Variants in TUSC3 observed in about 807,000 individuals in gnomAD.
TUSC3 encodes dolichyl-diphosphooligosaccharide--protein glycosyltransferase subunit TUSC3.
TUSC3 carries 45 observed loss-of-function variants against 44.8 expected under a neutral mutation model. The observed-to-expected ratio is 1.00, with a 90% CI of 0.79 to 1.29. The LOEUF (loss-of-function observed/expected upper bound fraction) is 1.29, where lower values mean the gene tolerates loss of function less well. Among genes scored for constraint, TUSC3 ranks in the 50% most tolerant of loss-of-function variants. TUSC3 has a pLI of 0.00. For synonymous variants in TUSC3, 212 were observed against 152.9 expected (o/e 1.39, Z -2.85); for missense variants, 519 against 437.9 (o/e 1.19, Z -1.65).
intron 2 of TUSC3, among the ~76,000 whole-genome samples, chr8:15,533,826 A>T (rs1801482872): frequency 6.6e-6 from 1 of 152,054 alleles, no homozygotes; most frequent in South Asian, 2.1e-4. Context: ...ATGGGAGGTT[A>T]TCTTGGGGCT....
intron 6 of TUSC3, among the ~76,000 whole-genome samples, chr8:15,717,936 T>G (rs562286912): frequency 1.3e-5 from 2 of 152,226 alleles, no homozygotes; most frequent in East Asian, 3.9e-4. Flanking sequence ...CCTTGCATGA[T>G]TAGACATTTT....
At chr8:15,817,993 T>A in the TUSC3 span, among the ~76,000 whole-genome samples, 1 of 152,100 alleles carries the variant, frequency 6.6e-6, no homozygotes, top group Non-Finnish European at 1.5e-5. Flanking sequence ...AGGAGGAAGC[T>A]GGAGAGACTG....
chr8:15,555,276 ATTTTTTTTTTTTTTTTTTTTTT>A (rs35757466), intron 1 of TUSC3, among the ~76,000 whole-genome samples: 2 of 44,890 alleles, frequency 4.5e-5, no homozygotes, highest in African/African-American at 1.1e-4. Flanking sequence ...TGCCAGGCTA[ATTTTTTTTTTTTTTTTTTTTTT>A]TTTTTTTTTT....
chr8:15,787,602 T>G, the TUSC3 span, among the ~76,000 whole-genome samples: 1 of 152,216 alleles, frequency 6.6e-6, no homozygotes, highest in Non-Finnish European at 1.5e-5. Context: ...CGATCACTTC[T>G]TATTTCTATG....
the TUSC3 span, among the ~76,000 whole-genome samples, chr8:15,780,148 T>A: frequency 6.6e-6 from 1 of 152,148 alleles, no homozygotes; most frequent in South Asian, 2.1e-4. Flanking sequence ...AATAAACATA[T>A]GTTCATGAGT....
chr8:15,660,155 A>G (rs1807355404), intron 4 of TUSC3, among the ~76,000 whole-genome samples: 1 of 152,068 alleles, frequency 6.6e-6, no homozygotes, highest in Admixed American at 6.6e-5. Context: ...TAAGGATGCA[A>G]TCAAGGATGA....
intron 2 of TUSC3, among the ~76,000 whole-genome samples, chr8:15,483,648 G>GTTTTTTTTTTTTTTTTTTTT (rs1398002093): frequency 2.3e-5 from 1 of 43,450 alleles, no homozygotes; most frequent in Non-Finnish European, 4.7e-5. Context: ...CTAGCACTGT[G>GTTTTTTTTTTTTTTTTTTTT]ATTTTTTTTT....
chr8:15,717,193 T>C (rs543417041), intron 6 of TUSC3, among the ~76,000 whole-genome samples: 2 of 152,224 alleles, frequency 1.3e-5, no homozygotes, highest in South Asian at 2.1e-4. Flanking sequence ...GCAATAAATA[T>C]TATCCTGAGG....
At chr8:15,508,072 C>T (rs900500882) in intron 2 of TUSC3, among the ~76,000 whole-genome samples, 17 of 152,130 alleles carry the variant, frequency 1.1e-4, no homozygotes, top group African/African-American at 4.1e-4. Flanking sequence ...GGAAACCCGT[C>T]TCTACTAAAA....
intron 2 of TUSC3, among the ~76,000 whole-genome samples, chr8:15,646,455 A>G (rs1806635945): frequency 6.6e-6 from 1 of 152,088 alleles, no homozygotes; most frequent in Non-Finnish European, 1.5e-5. Flanking sequence ...TAAATCTGAA[A>G]AAGTAGAGTA....
chr8:15,502,191 CT>C (rs1198989592), intron 2 of TUSC3, among the ~76,000 whole-genome samples: 2 of 152,166 alleles, frequency 1.3e-5, no homozygotes, highest in African/African-American at 4.8e-5. Flanking sequence ...TGATTTTTGT[CT>C]TTCTTTGCGC....
rs1807485533 is a variant in TUSC3, at chr8:15,662,844, GA to G, written c.708+551del. ...GAGTATTACAGGAATGCACAGGAGA[GA>G]AACCTAACCTAGAGTAAAGGGAATC... On this transcript the variant is annotated intron_variant, in intron 5 of 10. Coordinates refer to ENST00000503731, the MANE Select transcript of TUSC3 (RefSeq NM_006765.4). Among the ~76,000 whole-genome samples, 2 of 151,912 alleles carry G rather than the reference GA, an allele frequency of 1.3e-5. 1 individual carries two copies. Among genetic ancestry groups the G allele is most frequent in the South Asian group, 4.1e-4 (2 of 4,828 alleles).
In TUSC3 at chr8:15,616,218, A is replaced by C. The variant is rs910614491; in HGVS notation, c.139-6862A>C. Among the ~76,000 whole-genome samples the C allele has an allele frequency of 2.6e-5, 4 of 152,124 alleles. No individual in the cohort carries two copies. In the South Asian group the frequency reaches 8.3e-4, roughly 32 times the overall value. On this transcript the variant is annotated intron_variant, in intron 1 of 10. Coordinates refer to ENST00000503731, the MANE Select transcript of TUSC3 (RefSeq NM_006765.4). Reference sequence around the variant, plus strand: ...CAATAGGGACTAATTTCTGTTTTAGAAGTTTATAGTGACATGTATTTTTAT... The same window carrying C: ...CAATAGGGACTAATTTCTGTTTTAGCAGTTTATAGTGACATGTATTTTTAT...
chr8:15,615,379 T>TTCTC (rs1327327453), intron 1 of TUSC3, among the ~76,000 whole-genome samples: 1 of 152,192 alleles, frequency 6.6e-6, no homozygotes, highest in Non-Finnish European at 1.5e-5. Context: ...ACATCACATG[T>TTCTC]TCTCACTCAT....
intron 2 of TUSC3, among the ~76,000 whole-genome samples, chr8:15,529,788 G>GTTTTTTTT (rs35344827): frequency 9.3e-6 from 1 of 106,976 alleles, no homozygotes; most frequent in African/African-American, 3.5e-5. Context: ...CTGTGAAAAA[G>GTTTTTTTT]TTTTTTTTTT....
chr8:15,575,091 A>G (rs1324120652), intron 1 of TUSC3, among the ~76,000 whole-genome samples: 1 of 152,184 alleles, frequency 6.6e-6, no homozygotes, highest in African/African-American at 2.4e-5. Context: ...TTTAAAAAAT[A>G]TTATTAGATT....
chr8:15,435,892 C>A (rs1291261166), intron 1 of TUSC3, among the ~76,000 whole-genome samples: 1 of 152,014 alleles, frequency 6.6e-6, no homozygotes, highest in Non-Finnish European at 1.5e-5. Context: ...AGCTTAGTGG[C>A]TTAAACAGTA....
chr8:15,713,526 C>T (rs533471824), intron 6 of TUSC3, among the ~76,000 whole-genome samples: 2 of 152,204 alleles, frequency 1.3e-5, no homozygotes, highest in South Asian at 2.1e-4. Flanking sequence ...AAGTACCACT[C>T]ACTGGATGGT....
intron 10 of TUSC3, among the ~76,000 whole-genome samples, chr8:15,763,824 T>G (rs1020585987): frequency 3.9e-5 from 6 of 151,986 alleles, no homozygotes; most frequent in Admixed American, 6.6e-5. Flanking sequence ...AGAGAAAAAA[T>G]ATTTTTAGGA....
Sources: allele counts gnomAD v4.1 joint callset (sites outside exome capture counted in the v4.1 genomes callset), GRCh38; gene constraint gnomAD v4.1.1; transcripts MANE v1.5; gene names NCBI Gene and HGNC (gene_info 2026-07-23, HGNC 2026-07-21).